FAT1: variants seen among roughly 807,000 people sequenced by gnomAD.
FAT1 encodes FAT atypical cadherin 1, also known as protocadherin Fat 1.
Under a neutral mutation model 329.8 loss-of-function variants are expected in FAT1, and 171 were observed. The observed-to-expected ratio is 0.52, with a 90% CI of 0.46 to 0.59. The LOEUF is 0.59. Among genes scored for constraint, FAT1 ranks in the 20% least tolerant of loss-of-function variants. The probability of loss-of-function intolerance (pLI) is 0.00; values close to 1 mark genes in which losing one functional copy is unlikely to be tolerated. For synonymous variants in FAT1, 2,233 were observed against 2,228.6 expected, an observed-to-expected ratio of 1.00 and a Z score of -0.06; for missense variants, 5,672 against 5,774.4, an observed-to-expected ratio of 0.98 and a Z score of 0.57.
chr4:186,705,211 T>C (rs1744519377), intron 2 of FAT1, among the ~76,000 whole-genome samples: 2 of 151,814 alleles, frequency 1.3e-5, no homozygotes, highest in African/African-American at 4.8e-5. Flanking sequence ...CCCAAAGTGC[T>C]GCGATTACAG....
intron 1 of FAT1, among the ~76,000 whole-genome samples, chr4:186,714,953 C>T (rs1466949867): frequency 6.6e-6 from 1 of 152,076 alleles, no homozygotes; most frequent in Non-Finnish European, 1.5e-5. Context: ...TGGTGTGCGC[C>T]TGTAGTCCCA....
At chr4:186,679,578 A>G (rs371053829) in intron 2 of FAT1, among the ~76,000 whole-genome samples, 19 of 151,538 alleles carry the variant, frequency 1.3e-4, no homozygotes, top group African/African-American at 4.1e-4. Flanking sequence ...TGCTTTTTCC[A>G]AAACCTAAAT....
At chr4:186,722,814 T>C (rs193147877) in intron 1 of FAT1, among the ~76,000 whole-genome samples, 2 of 152,282 alleles carry the variant, frequency 1.3e-5, no homozygotes, top group Admixed American at 1.3e-4. Flanking sequence ...TCACTGTTAA[T>C]ATCCACTTTT....
In FAT1 at chr4:186,620,383, T is replaced by C. The variant is rs968655621; in HGVS notation, c.6203A>G (p.Lys2068Arg). Residue 2068 changes from lysine (K) to arginine (R), a missense_variant, in exon 10 of 27, where the codon AAG (lysine) becomes AGG (arginine). This residue lies in a region of FAT1 where 3,966 missense variants were observed against 3,915.2 expected (regional missense o/e 1.01). Coordinates refer to ENST00000441802, the MANE Select transcript of FAT1 (RefSeq NM_005245.4). Reference protein sequence around the residue: ...KPSAVAHVVVKVIVEDQNDNA... With the variant: ...KPSAVAHVVVRVIVEDQNDNA... ...ATCATTTTGGTCTTCTACAATGACCTTCACGACAACGTGGGCCACTGCAGA... is the reference window on the plus strand; with the variant it reads ...ATCATTTTGGTCTTCTACAATGACCCTCACGACAACGTGGGCCACTGCAGA... 1.9e-5 allele frequency: 30 copies of C among 1,613,882 alleles called. No individual in the cohort carries two copies. Among genetic ancestry groups the C allele is most frequent in the Non-Finnish European group, 2.1e-5 (25 of 1,179,888 alleles).
At chr4:186,721,279 G>A (rs1745459077) in intron 1 of FAT1, among the ~76,000 whole-genome samples, 1 of 152,200 alleles carries the variant, frequency 6.6e-6, no homozygotes, top group Admixed American at 6.5e-5. Flanking sequence ...AGTGAAATAT[G>A]CAGATTCCTC....
intron 2 of FAT1, among the ~76,000 whole-genome samples, chr4:186,697,688 T>C (rs1317568923): frequency 6.6e-6 from 1 of 152,224 alleles, no homozygotes; most frequent in African/African-American, 2.4e-5. Context: ...TTAAGCACCA[T>C]ATAATGTATG....
At chr4:186,648,805 C>T (rs543285475) in intron 3 of FAT1, among the ~76,000 whole-genome samples, 2 of 152,286 alleles carry the variant, frequency 1.3e-5, no homozygotes, top group African/African-American at 2.4e-5. Flanking sequence ...ATCACACTCT[C>T]CACTCATGAG....
rs1183126588 is a variant in FAT1 at position 186,603,787 on chromosome 4, T to C, written c.10739A>G (p.Tyr3580Cys). The change falls in exon 19 of 27, where the codon TAC becomes TGC. Residue 3580 changes from tyrosine to cysteine, a missense_variant. Around this residue, in one of 2 missense-constraint regions of FAT1, gnomAD observed 1,706 missense variants for 1,859.1 expected, o/e 0.92. Transcript: ENST00000441802. ...TDQDVYDTLT[Y>C]SLDPQMDNLF... ...GTTGTCCATCTGAGGGTCGAGACTG[T>C]AGGTTAGAGTATCATACACGTCCTG... is the stretch of plus-strand genomic sequence containing the variant. The C allele has an allele frequency of 8.7e-6, 14 of 1,613,840 alleles. No homozygotes were observed. Among genetic ancestry groups the C allele is most frequent in the African/African-American group, 2.7e-5 (2 of 74,916 alleles).
At chr4:186,645,366 CATATAT>C (rs70964973) in intron 3 of FAT1, among the ~76,000 whole-genome samples, 158 of 35,334 alleles carry the variant, frequency 4.5e-3, no homozygotes, top group Admixed American at 6.3e-3. Context: ...TACTTCATTA[CATATAT>C]ATATATATAT....
At chr4:186,703,645 C>T (rs368200055) in intron 2 of FAT1, among the ~76,000 whole-genome samples, 1 of 152,324 alleles carries the variant, frequency 6.6e-6, no homozygotes, top group African/African-American at 2.4e-5. Context: ...TAAATGCCCC[C>T]GAGTTAGGCA....
chr4:186,600,673 A>G (rs757841256), intron 21 of FAT1, among the ~76,000 whole-genome samples: 6 of 152,266 alleles, frequency 3.9e-5, no homozygotes, highest in Admixed American at 6.5e-5. Context: ...GGCAAGATAC[A>G]TAACACTTGA....
At chr4:186,724,266 G>A (rs922921157), upstream of FAT1, among the ~76,000 whole-genome samples, 10 of 150,680 alleles carry the variant, frequency 6.6e-5, no homozygotes, top group African/African-American at 2.5e-4. This position sits in a 1 kb window ranked among gnomAD's most constrained non-coding sequence, Gnocchi z 5.3. Flanking sequence ...ATAGCCTTCT[G>A]GGAGCCCCTG....
intron 1 of FAT1, among the ~76,000 whole-genome samples, chr4:186,722,952 C>T (rs1745526451): frequency 6.6e-6 from 1 of 151,934 alleles, no homozygotes. Flanking sequence ...CTAACTCATA[C>T]AATTGCGTCC....
At chr4:186,701,053 C>T (rs974712887) in intron 2 of FAT1, among the ~76,000 whole-genome samples, 2 of 152,212 alleles carry the variant, frequency 1.3e-5, no homozygotes, top group Non-Finnish European at 1.5e-5. Flanking sequence ...CACGGTCCCC[C>T]GAGTTCCCAT....
At chr4:186,724,603 A>G (rs1429774286), upstream of FAT1, among the ~76,000 whole-genome samples, 1 of 152,090 alleles carries the variant, frequency 6.6e-6, no homozygotes, top group Non-Finnish European at 1.5e-5. This position sits in a 1 kb window ranked among gnomAD's most constrained non-coding sequence, Gnocchi z 5.3. Context: ...GCAAGTTCCT[A>G]GGCAGAGGGG....
Position 186,708,329 on chromosome 4 carries a change from T to C in FAT1, c.1499A>G (p.Tyr500Cys), listed in dbSNP as rs766981976. ...CACATGATTTAAATTTGCGATACTG[T>C]ATGTCACGTACCCGTTCTCACCCTC... ...PDEGENGYVTYSIANLNHVPF... is the reference protein window; with the variant it reads ...PDEGENGYVTCSIANLNHVPF... The change falls in exon 2 of 27, where the codon TAC (tyrosine) becomes TGC (cysteine). Residue 500 changes from tyrosine to cysteine, a missense_variant. Tyr to Cys is a radical substitution (Grantham distance 194). Transcript: ENST00000441802. 1.9e-6 allele frequency: 3 copies of C among 1,613,972 alleles called. No individual in the cohort carries two copies. In the South Asian group the frequency reaches 3.3e-5, roughly 18 times the overall value.
At position 186,601,441 on chromosome 4, in the gene FAT1, G is replaced by T; in HGVS notation, c.11483-15C>A. On this transcript the variant is annotated splice_polypyrimidine_tract_variant and intron_variant, in intron 20 of 26. Coordinates refer to ENST00000441802, the MANE Select transcript of FAT1 (RefSeq NM_005245.4). The stretch of plus-strand genomic sequence containing the variant: ...AGATGAACTCCCTGTGAATCACACA[G>T]AGGAAAAAATAAACCAGAACCAAGT... 1 of 1,596,086 alleles carries T rather than the reference G, an allele frequency of 6.3e-7. No individual in the cohort carries two copies. Among genetic ancestry groups the T allele is most frequent in the Non-Finnish European group, 8.6e-7 (1 of 1,165,512 alleles).
chr4:186,608,638 T>G (rs1183636435), intron 16 of FAT1, among the ~76,000 whole-genome samples: 3 of 152,202 alleles, frequency 2.0e-5, no homozygotes, highest in African/African-American at 4.8e-5. Context: ...CTTCCTCAGC[T>G]CACAAATGCT....
intron 22 of FAT1, among the ~76,000 whole-genome samples, chr4:186,599,592 C>T (rs1015696234): frequency 2.6e-5 from 4 of 152,168 alleles, no homozygotes; most frequent in African/African-American, 9.7e-5. Context: ...CTAAATTCCC[C>T]TGGGCCGATG....
Sources: allele counts gnomAD v4.1 joint callset (sites outside exome capture counted in the v4.1 genomes callset), GRCh38; gene constraint gnomAD v4.1.1; regional missense constraint gnomAD v4.1.1; non-coding constraint Gnocchi (gnomAD v3.1); transcripts MANE v1.5; gene names NCBI Gene and HGNC (gene_info 2026-07-23, HGNC 2026-07-21).